Variants in CBLN2 observed in about 807,000 individuals in gnomAD.
CBLN2 encodes cerebellin-2.
A neutral mutation model predicts 15.0 loss-of-function variants in CBLN2; 7 were observed. The ratio of observed to expected loss-of-function variants is 0.47; its 90% CI spans 0.27 to 0.88. The LOEUF (loss-of-function observed/expected upper bound fraction) is 0.88. CBLN2 is among the 40% of genes least tolerant of loss of function. The pLI is 0.14. For missense variants in CBLN2, 242 were observed against 304.5 expected (o/e 0.79, Z 1.53); for synonymous variants, 149 against 135.2 (o/e 1.10, Z -0.71).
intron 1 of CBLN2, chr18:72,625,285 C>T (rs1039933854): frequency 1.3e-5 from 2 of 152,034 alleles, no homozygotes; most frequent in Non-Finnish European, 2.9e-5. Flanking sequence ...AGTTTCATGT[C>T]TTTGTCCAGT....
intron 1 of CBLN2, among the ~76,000 whole-genome samples, chr18:72,571,162 A>G (rs1044035897): frequency 6.6e-6 from 1 of 152,236 alleles, no homozygotes; most frequent in African/African-American, 2.4e-5. Flanking sequence ...AAAGTGAAGC[A>G]TAATTTCAAG....
chr18:72,607,415 T>C (rs1432800846), intron 1 of CBLN2, among the ~76,000 whole-genome samples: 3 of 152,172 alleles, frequency 2.0e-5, no homozygotes, highest in Non-Finnish European at 4.4e-5. Context: ...TTAATGAGCA[T>C]CTTTTCTAAG....
At chr18:72,635,486 T>C (rs983539670) in intron 1 of CBLN2, among the ~76,000 whole-genome samples, 4 of 152,194 alleles carry the variant, frequency 2.6e-5, no homozygotes, top group African/African-American at 9.6e-5. Flanking sequence ...TTCAGCACAT[T>C]ATGGCTTTCT....
intron 1 of CBLN2, among the ~76,000 whole-genome samples, chr18:72,603,387 T>A (rs562488025): frequency 1.3e-5 from 2 of 152,348 alleles, no homozygotes; most frequent in South Asian, 4.1e-4. Context: ...GTCCCTTTTT[T>A]TTCTCCTAAC....
intron 1 of CBLN2, among the ~76,000 whole-genome samples, chr18:72,597,285 C>T (rs750782886): frequency 9.9e-5 from 15 of 152,224 alleles, no homozygotes; most frequent in Non-Finnish European, 2.1e-4. Flanking sequence ...GTGGCTTTTG[C>T]AGCCTTGCAG....
At chr18:72,538,855 A>G in intron 3 of CBLN2, 83 bp from the exon 4 acceptor site, 4 of 1,537,682 alleles carry the variant, frequency 2.6e-6, no homozygotes, top group Non-Finnish European at 3.5e-6. Flanking sequence ...AACCAGCAAC[A>G]CTGCCTCCTT....
chr18:72,627,387 C>A (rs1422122476), intron 1 of CBLN2, among the ~76,000 whole-genome samples: 1 of 152,138 alleles, frequency 6.6e-6, no homozygotes, highest in Non-Finnish European at 1.5e-5. Context: ...AATTGCATTG[C>A]TATTTTTGTT....
intron 3 of CBLN2, chr18:72,540,190 C>T (rs1001889767): frequency 6.6e-6 from 1 of 152,184 alleles, no homozygotes; most frequent in Non-Finnish European, 1.5e-5. Context: ...AAAGCATTCT[C>T]CATTTAAGCC....
At chr18:72,571,547 T>G (rs1438427550) in intron 1 of CBLN2, among the ~76,000 whole-genome samples, 2 of 152,030 alleles carry the variant, frequency 1.3e-5, no homozygotes, top group African/African-American at 2.4e-5. Context: ...AGAAAATGAG[T>G]GGAATCATTG....
At chr18:72,559,047 C>A (rs762741594) in intron 1 of CBLN2, among the ~76,000 whole-genome samples, 1 of 152,122 alleles carries the variant, frequency 6.6e-6, no homozygotes. Flanking sequence ...GGGAGTGAGA[C>A]CCTGTCTCAA....
At chr18:72,555,447 C>CGTGT (rs61258751) in intron 1 of CBLN2, among the ~76,000 whole-genome samples, 15 of 149,658 alleles carry the variant, frequency 1.0e-4, no homozygotes, top group African/African-American at 3.2e-4. Flanking sequence ...TGTGTGTGGG[C>CGTGT]GTGTGTGTGT....
upstream of CBLN2, among the ~76,000 whole-genome samples, chr18:72,547,883 A>G (rs1277264220): frequency 1.3e-5 from 2 of 152,232 alleles, no homozygotes; most frequent in Non-Finnish European, 1.5e-5. Context: ...AAGCACATAC[A>G]TAACCATTTC....
chr18:72,623,500 C>A (rs1163223490), intron 1 of CBLN2, among the ~76,000 whole-genome samples: 3 of 152,064 alleles, frequency 2.0e-5, no homozygotes, highest in African/African-American at 7.2e-5. Context: ...AAGACTAAAA[C>A]CGAGCTGTCC....
At chr18:72,600,101 A>G (rs913026306) in intron 1 of CBLN2, among the ~76,000 whole-genome samples, 1 of 152,234 alleles carries the variant, frequency 6.6e-6, no homozygotes, top group Non-Finnish European at 1.5e-5. Flanking sequence ...CATTGTAGAG[A>G]AACCCAGGTT....
chr18:72,618,287 TA>T, intron 1 of CBLN2: 1 of 416,274 alleles, frequency 2.4e-6, no homozygotes. Context: ...CAGAGTCTCC[TA>T]AAGAGCCCGA....
intron 1 of CBLN2, among the ~76,000 whole-genome samples, chr18:72,618,115 C>T (rs1001306071): frequency 1.1e-3 from 167 of 152,068 alleles, no homozygotes; most frequent in African/African-American, 3.8e-3. Context: ...TTGGTTTTCT[C>T]TCTGTTCTAC....
chr18:72,554,389 G>T lies in CBLN2; in HGVS notation c.16-15617C>A, dbSNP rs879770130. Among the ~76,000 whole-genome samples the T allele has an allele frequency of 2.6e-5, 4 of 151,926 alleles. 1 individual carries two copies. The highest frequency in any genetic ancestry group is 1.3e-4 in the Admixed American group (2 of 15,260). On this transcript the variant is annotated intron_variant, in intron 1 of 2. Coordinates refer to the CBLN2 transcript ENST00000581073. ...GCATATGAAAAAGGGGTTTTTTGATGATTATTTTTGAAGTTATTCTAACTA... is the reference window on the plus strand; with the variant it reads ...GCATATGAAAAAGGGGTTTTTTGATTATTATTTTTGAAGTTATTCTAACTA...
intron 1 of CBLN2, among the ~76,000 whole-genome samples, chr18:72,593,677 G>A (rs1048618960): frequency 6.6e-6 from 1 of 152,108 alleles, no homozygotes; most frequent in African/African-American, 2.4e-5. Context: ...GTTGAGATAT[G>A]TTCCTTCTAT....
chr18:72,631,695 C>A (rs1475691860), intron 1 of CBLN2, among the ~76,000 whole-genome samples: 2 of 152,052 alleles, frequency 1.3e-5, no homozygotes, highest in African/African-American at 4.8e-5. Context: ...CAAAACCCAA[C>A]CCTCATAAAG....
Sources: allele counts gnomAD v4.1 joint callset (sites outside exome capture counted in the v4.1 genomes callset), GRCh38; gene constraint gnomAD v4.1.1; transcripts MANE v1.5; gene names NCBI Gene and HGNC (gene_info 2026-07-23, HGNC 2026-07-21).